The following CSMD3 variants were observed in gnomAD, a reference collection of about 807,000 sequenced individuals.
CSMD3 encodes the protein CUB and sushi domain-containing protein 3.
A neutral mutation model predicts 435.2 loss-of-function variants in CSMD3; 177 were observed. The observed-to-expected ratio is 0.41, with a 90% CI of 0.36 to 0.46. The LOEUF is 0.46. Ranked by LOEUF, CSMD3 falls within the 20% of genes least tolerant of loss-of-function variation. CSMD3 has a pLI of 0.34. For synonymous variants in CSMD3, 1,656 were observed against 1,520.5 expected, an observed-to-expected ratio of 1.09 and a Z score of -2.07; for missense variants, 4,265 against 4,504.6, an observed-to-expected ratio of 0.95 and a Z score of 1.52.
intron 6 of CSMD3, among the ~76,000 whole-genome samples, chr8:112,978,506 G>C (rs2084934408): frequency 6.6e-6 from 1 of 151,834 alleles, no homozygotes; most frequent in African/African-American, 2.4e-5. Flanking sequence ...CTGATCTTTG[G>C]TAATGTCTAG....
intron 3 of CSMD3, among the ~76,000 whole-genome samples, chr8:113,270,465 G>T (rs183754542): frequency 6.6e-6 from 1 of 152,042 alleles, no homozygotes. Flanking sequence ...CCCAGCCATC[G>T]CATTACTGGG....
intron 13 of CSMD3, among the ~76,000 whole-genome samples, chr8:112,750,377 C>T (rs1157171511): frequency 6.6e-6 from 1 of 151,612 alleles, no homozygotes; most frequent in Non-Finnish European, 1.5e-5. Context: ...CCCCTTGGTG[C>T]TGGAGTTACA....
At chr8:112,657,849 C>G (rs1025806892) in intron 17 of CSMD3, among the ~76,000 whole-genome samples, 7 of 152,150 alleles carry the variant, frequency 4.6e-5, no homozygotes, top group Admixed American at 3.3e-4. Flanking sequence ...ATTCTACTGC[C>G]ACAATTTACT....
chr8:113,163,413 A>G lies in CSMD3; in HGVS notation c.709+10309T>C, dbSNP rs147910659. On this transcript the variant is annotated intron_variant, in intron 4 of 70. Coordinates refer to ENST00000297405, the MANE Select transcript of CSMD3 (RefSeq NM_198123.2). The stretch of plus-strand genomic sequence containing the variant: ...TGCAATCATATAACAACTTCAGAAA[A>G]GCTTGAAATTAATGTCTGATATTAT... Among the ~76,000 whole-genome samples, 780 of 152,158 alleles carry G rather than the reference A, an allele frequency of 5.1e-3. 3 individuals are homozygous for G. Among genetic ancestry groups the G allele is most frequent in the Middle Eastern group, 0.014 (4 of 292 alleles).
At chr8:112,256,812 T>C (rs1379255313) in intron 61 of CSMD3, among the ~76,000 whole-genome samples, 1 of 152,292 alleles carries the variant, frequency 6.6e-6, no homozygotes, top group African/African-American at 2.4e-5. Context: ...TAAGTATAAA[T>C]GTTGCCTTAG....
chr8:112,330,926 G>C (rs935564331), intron 45 of CSMD3, among the ~76,000 whole-genome samples: 1 of 151,926 alleles, frequency 6.6e-6, no homozygotes, highest in Non-Finnish European at 1.5e-5. Flanking sequence ...TTGAAGTCAG[G>C]CAGACCTATT....
Position 112,542,962 on chromosome 8 carries a change from G to A in CSMD3, c.4564+7709C>T, listed in dbSNP as rs138061721. Among the ~76,000 whole-genome samples, 626 of 152,218 alleles carry A rather than the reference G, an allele frequency of 4.1e-3. 4 individuals are homozygous for A. Among genetic ancestry groups the A allele is most frequent in the Admixed American group, 3.8e-3 (58 of 15,256 alleles). On this transcript the variant is annotated intron_variant, in intron 27 of 70. Coordinates refer to ENST00000297405, the MANE Select transcript of CSMD3 (RefSeq NM_198123.2). ...TAAGACAGGGCAACAAAAAGGTGTG[G>A]ACAGTGGTGGAGGGGTACCAGGAAT...
chr8:112,540,709 T>C (rs1181576184), intron 27 of CSMD3, among the ~76,000 whole-genome samples: 1 of 151,960 alleles, frequency 6.6e-6, no homozygotes, highest in African/African-American at 2.4e-5. Context: ...TTTTCACTTA[T>C]ATATGGGGGC....
At chr8:113,166,514 ATAATAC>A (rs2092152542) in intron 4 of CSMD3, among the ~76,000 whole-genome samples, 1 of 152,196 alleles carries the variant, frequency 6.6e-6, no homozygotes, top group Admixed American at 6.5e-5. Flanking sequence ...TCAAAAAATA[ATAATAC>A]TAAGTGAAAA....
At chr8:113,086,860 T>C (rs1157038208) in intron 5 of CSMD3, among the ~76,000 whole-genome samples, 1 of 152,182 alleles carries the variant, frequency 6.6e-6, no homozygotes, top group Non-Finnish European at 1.5e-5. Flanking sequence ...ACGTTCATTT[T>C]CTCAATCAAA....
intron 11 of CSMD3, among the ~76,000 whole-genome samples, chr8:112,847,002 G>T (rs1256300147): frequency 1.3e-5 from 2 of 151,966 alleles, no homozygotes; most frequent in Admixed American, 6.6e-5. Flanking sequence ...CTTGTAGTTG[G>T]TTTTTCTAAT....
intron 5 of CSMD3, among the ~76,000 whole-genome samples, chr8:113,040,586 A>G (rs980177992): frequency 1.3e-5 from 2 of 152,194 alleles, no homozygotes; most frequent in Non-Finnish European, 2.9e-5. Flanking sequence ...GAAAGGAAAG[A>G]GTCAAAAATG....
At chr8:112,928,531 T>C (rs529839896) in intron 9 of CSMD3, among the ~76,000 whole-genome samples, 11 of 152,128 alleles carry the variant, frequency 7.2e-5, no homozygotes, top group African/African-American at 2.2e-4. Context: ...AGTGAGAATA[T>C]GTGGTGTTTG....
intron 13 of CSMD3, among the ~76,000 whole-genome samples, chr8:112,785,516 G>A (rs1039593012): frequency 6.6e-6 from 1 of 151,998 alleles, no homozygotes; most frequent in Non-Finnish European, 1.5e-5. Context: ...AAAATCTAAA[G>A]AGTCTACCAA....
intron 38 of CSMD3, among the ~76,000 whole-genome samples, chr8:112,362,260 G>A (rs1391749291): frequency 6.6e-6 from 1 of 151,974 alleles, no homozygotes; most frequent in East Asian, 1.9e-4. Context: ...CTTCATGAAT[G>A]TTTGTGGATA....
Position 112,682,653 on chromosome 8 carries a change from A to G in CSMD3, c.2483-17T>C, listed in dbSNP as rs538527001. 2.3e-5 allele frequency: 35 copies of G among 1,536,774 alleles called. No homozygotes were observed. In the South Asian group the frequency reaches 3.9e-4, roughly 17 times the overall value. On this transcript the variant is annotated splice_polypyrimidine_tract_variant and intron_variant, in intron 15 of 70. Coordinates refer to ENST00000297405, the MANE Select transcript of CSMD3 (RefSeq NM_198123.2). ...GTCCAAATGCTTTAGAATAATATGCAAAGAAAAATACACAAACAAACAACA... is the reference window on the plus strand; with the variant it reads ...GTCCAAATGCTTTAGAATAATATGCGAAGAAAAATACACAAACAAACAACA...
intron 56 of CSMD3, 35 bp from the exon 57 acceptor site, chr8:112,289,573 T>A (rs1819556089): frequency 1.4e-6 from 2 of 1,387,284 alleles, no homozygotes; most frequent in Non-Finnish European, 2.0e-6. Flanking sequence ...AAAATTTTTT[T>A]ATATCTCCTA....
rs1812418207 is a variant in CSMD3, at chr8:112,224,779, T to C, written c.11116A>G (p.Met3706Val). The C allele has an allele frequency of 6.2e-7, 1 of 1,614,032 alleles. No homozygotes were observed. Among genetic ancestry groups the C allele is most frequent in the South Asian group, 1.1e-5 (1 of 91,090 alleles). The change falls in exon 71 of 71, where the codon ATG becomes GTG. Residue 3706 changes from methionine to valine, a missense_variant. Met to Val is a conservative substitution (Grantham distance 21). Transcript: ENST00000297405. ...FDPNLNTVCT[M>V]V is the part of the protein sequence containing the mutation. ...AGGCAAAGGTTGCCTCGTTATACCA[T>C]TGTGCAAACCGTGTTCAAGTTGGGA...
chr8:112,673,932 A>T (rs999501620), intron 16 of CSMD3, among the ~76,000 whole-genome samples: 2 of 151,956 alleles, frequency 1.3e-5, no homozygotes, highest in African/African-American at 4.8e-5. Context: ...AAGCAAAAAC[A>T]GAAGACTTTT....
Sources: gnomAD v4.1 joint callset for allele counts (sites outside exome capture counted in the v4.1 genomes callset) on GRCh38, gnomAD v4.1.1 for gene constraint, MANE v1.5 for transcripts, NCBI Gene and HGNC (gene_info 2026-07-23, HGNC 2026-07-21) for gene names.